The following ZNF626 variants were observed in gnomAD, a reference collection of about 807,000 sequenced individuals.
ZNF626 encodes CTC-513N18.7.
Under a neutral mutation model 11.7 loss-of-function variants are expected in ZNF626, and 4 were observed. The ratio of observed to expected loss-of-function variants is 0.34; its 90% CI spans 0.17 to 0.78. The LOEUF (loss-of-function observed/expected upper bound fraction) is 0.78. Among genes scored for constraint, ZNF626 ranks in the 30% least tolerant of loss-of-function variants. The probability of loss-of-function intolerance (pLI) is 0.57; values close to 1 mark genes in which losing one functional copy is unlikely to be tolerated. For synonymous variants in ZNF626, 179 were observed against 198.6 expected (o/e 0.90, Z 0.83); for missense variants, 588 against 587.1 (o/e 1.00, Z -0.01).
Position 20,620,403 on chromosome 19 carries a change from AT to A in ZNF626, c.*3886del, listed in dbSNP as rs1555768539. The A allele has an allele frequency of 6.6e-6, 1 of 152,150 alleles. No homozygotes were observed. The highest frequency in any genetic ancestry group is 1.5e-5 in the Non-Finnish European group (1 of 68,026). The allele number at this position is 152,150 out of a possible 1,614,324, so 9.4% of individuals were successfully genotyped here. On this transcript the variant is annotated 3_prime_UTR_variant, in exon 4 of 4. Transcript: ENST00000601440. ...ATATTTACCAAACACTCATTTCATA[AT>A]TTTCTTACACCTAAGGTTTATCTTC...
intron 1 of ZNF626, among the ~76,000 whole-genome samples, chr19:20,659,846 C>A (rs914344354): frequency 1.3e-5 from 2 of 152,078 alleles, no homozygotes; most frequent in Non-Finnish European, 2.9e-5. Flanking sequence ...ACTGCATCTG[C>A]CTGTGGGGCC....
intron 1 of ZNF626, among the ~76,000 whole-genome samples, chr19:20,653,483 T>C (rs986550695): frequency 6.6e-6 from 1 of 152,020 alleles, no homozygotes; most frequent in Non-Finnish European, 1.5e-5. Context: ...TAATTACTTA[T>C]ATTCAATGAC....
intron 3 of ZNF626, among the ~76,000 whole-genome samples, chr19:20,641,304 T>G (rs1970022338): frequency 6.6e-6 from 1 of 152,196 alleles, no homozygotes; most frequent in African/African-American, 2.4e-5. Flanking sequence ...TTATTCCACC[T>G]TAAATAAAAC....
intron 3 of ZNF626, among the ~76,000 whole-genome samples, chr19:20,634,422 A>C (rs1969944357): frequency 6.6e-6 from 1 of 152,240 alleles, no homozygotes; most frequent in Non-Finnish European, 1.5e-5. Flanking sequence ...CAAAGCCTTA[A>C]CACATTTTTT....
In ZNF626 at chr19:20,624,911, A is replaced by G. The variant is rs1568453649; in HGVS notation, c.966T>C (p.Phe322=). 1 of 1,613,114 alleles carries G rather than the reference A, an allele frequency of 6.2e-7. No homozygotes were observed. The highest frequency in any genetic ancestry group is 1.1e-5 in the South Asian group (1 of 91,022). ...GTGTAGTAAGGGTATAGGAGTACTTAAAGGCTTTGTCACATTCTTCACATT... is the reference window on the plus strand; with the variant it reads ...GTGTAGTAAGGGTATAGGAGTACTTGAAGGCTTTGTCACATTCTTCACATT... ...PYKCEECDKA[F]KYSYTLTTHK... Residue 322 remains phenylalanine, a synonymous_variant, in exon 4 of 4, where the codon TTT becomes TTC. Transcript: ENST00000601440.
At position 20,622,418 on chromosome 19, in the gene ZNF626, T is replaced by C. The variant is rs1418971729; in HGVS notation, c.*1872A>G. On this transcript the variant is annotated 3_prime_UTR_variant, in exon 4 of 4. Transcript: ENST00000601440. ...ACTACAATGAGCCTCTCCACTTATA[T>C]TTTCGTCATGCATCTTACATTTTAA... 6.6e-6 allele frequency: 1 copy of C among 152,146 alleles called. No individual in the cohort carries two copies. Among genetic ancestry groups the C allele is most frequent in the Non-Finnish European group, 1.5e-5 (1 of 68,014 alleles). The allele number at this position is 152,146 out of a possible 1,614,324, so 9.4% of individuals were successfully genotyped here.
intron 1 of ZNF626, among the ~76,000 whole-genome samples, chr19:20,647,875 C>T (rs1007861474): frequency 1.3e-5 from 2 of 151,930 alleles, no homozygotes; most frequent in East Asian, 3.9e-4. Flanking sequence ...AATTATAGTC[C>T]GAATGTAACC....
rs782072013 is a variant in ZNF626, at chr19:20,625,354, A to G, written c.523T>C (p.Tyr175His). ...TTAAAAGCTTTGCCACATTCTATAT[A>G]TTTGAAAGGTTTTTTCCCAGTATGT... Reference protein sequence around the residue: ...RGHTGKKPFKYIECGKAFKQF... With the variant: ...RGHTGKKPFKHIECGKAFKQF... Residue 175 changes from tyrosine to histidine, a missense_variant, in exon 4 of 4, where the codon TAT becomes CAT. Tyr to His is a moderately conservative substitution (Grantham distance 83). Around this residue, in one of 4 missense-constraint regions of ZNF626, gnomAD observed 524 missense variants for 470.1 expected, o/e 1.11. Transcript: ENST00000601440. The G allele has an allele frequency of 1.9e-6, 3 of 1,613,892 alleles. No individual in the cohort carries two copies. In the African/African-American group the frequency reaches 4.0e-5, roughly 22 times the overall value.
chr19:20,629,226 A>G (rs1385490244), intron 3 of ZNF626, among the ~76,000 whole-genome samples: 3 of 151,996 alleles, frequency 2.0e-5, no homozygotes, highest in East Asian at 3.9e-4. Context: ...TGATGCCTCC[A>G]GCTTTATTCT....
chr19:20,652,194 C>G (rs1369472059), intron 1 of ZNF626, among the ~76,000 whole-genome samples: 1 of 151,886 alleles, frequency 6.6e-6, no homozygotes, highest in Non-Finnish European at 1.5e-5. Flanking sequence ...AGGTAGGATC[C>G]ACCTGGCTCT....
chr19:20,627,013 T>C (rs782738854), intron 3 of ZNF626, among the ~76,000 whole-genome samples: 3 of 149,996 alleles, frequency 2.0e-5, no homozygotes, highest in Non-Finnish European at 4.4e-5. Flanking sequence ...AAAGACTCCA[T>C]CTCAGAAAAA....
At chr19:20,649,731 G>A (rs1970124855) in intron 1 of ZNF626, among the ~76,000 whole-genome samples, 2 of 152,140 alleles carry the variant, frequency 1.3e-5, no homozygotes, top group Admixed American at 1.3e-4. Flanking sequence ...GGTAATTTTG[G>A]CCCCAATTTA....
At chr19:20,627,330 G>C (rs1311447590) in intron 3 of ZNF626, among the ~76,000 whole-genome samples, 1 of 48,754 alleles carries the variant, frequency 2.1e-5, no homozygotes, top group Non-Finnish European at 3.5e-5. Context: ...TAATGATGAA[G>C]AATTTTTGTA....
At chr19:20,639,072 A>C (rs1969995985) in intron 3 of ZNF626, among the ~76,000 whole-genome samples, 1 of 152,194 alleles carries the variant, frequency 6.6e-6, no homozygotes, top group Non-Finnish European at 1.5e-5. Context: ...ATGGTGAAAA[A>C]TAAAGAGTAA....
intron 1 of ZNF626, among the ~76,000 whole-genome samples, chr19:20,656,897 A>G (rs1401795983): frequency 6.6e-6 from 1 of 152,202 alleles, no homozygotes; most frequent in African/African-American, 2.4e-5. Flanking sequence ...GATTCCTCAC[A>G]GAACTAAAAA....
intron 3 of ZNF626, among the ~76,000 whole-genome samples, chr19:20,630,457 TC>T (rs1969890351): frequency 6.6e-6 from 1 of 152,174 alleles, no homozygotes. Context: ...CAATTTCAGC[TC>T]CTATTATTGG....
chr19:20,647,484 GT>G (rs71174723), intron 1 of ZNF626, among the ~76,000 whole-genome samples: 90 of 122,810 alleles, frequency 7.3e-4, no homozygotes, highest in Middle Eastern at 4.6e-3. Flanking sequence ...TAGGACAATG[GT>G]TTTTTTTTTT....
chr19:20,657,258 G>C (rs1970214595), intron 1 of ZNF626, among the ~76,000 whole-genome samples: 1 of 152,096 alleles, frequency 6.6e-6, no homozygotes. Flanking sequence ...TACGTGTGTA[G>C]TCCCAGCTAC....
chr19:20,645,898 A>C (rs549877595), intron 2 of ZNF626, 119 bp from the exon 3 acceptor site: 1 of 701,644 alleles, frequency 1.4e-6, no homozygotes, highest in South Asian at 4.1e-5. Context: ...AAAAATACTA[A>C]GTTGTAACAG....
Sources: gnomAD v4.1 joint callset for allele counts (sites outside exome capture counted in the v4.1 genomes callset) on GRCh38, gnomAD v4.1.1 for gene constraint, gnomAD v4.1.1 regional missense constraint, MANE v1.5 for transcripts, NCBI Gene and HGNC (gene_info 2026-07-23, HGNC 2026-07-21) for gene names.